SESTD1: variants seen among roughly 807,000 people sequenced by gnomAD.
SESTD1 encodes the protein SEC14 domain and spectrin repeat-containing protein 1.
SESTD1 carries 43 observed loss-of-function variants against 101.7 expected under a neutral mutation model. That is an observed-to-expected ratio of 0.42 (90% confidence interval 0.33 to 0.55). The LOEUF (loss-of-function observed/expected upper bound fraction) is 0.55. Among genes scored for constraint, SESTD1 ranks in the 20% least tolerant of loss-of-function variants. SESTD1 has a pLI of 0.07. For synonymous variants in SESTD1, 283 were observed against 286.8 expected, an observed-to-expected ratio of 0.99 and a Z score of 0.13; for missense variants, 647 against 815.1, an observed-to-expected ratio of 0.79 and a Z score of 2.51.
chr2:179,159,975 C>T (rs1416442079), intron 5 of SESTD1, among the ~76,000 whole-genome samples: 1 of 152,234 alleles, frequency 6.6e-6, no homozygotes, highest in African/African-American at 2.4e-5. Context: ...CTGCCTCAGC[C>T]TCCCGAGCAG....
In SESTD1 at chr2:179,186,501, T is replaced by C. The variant is rs74812973; in HGVS notation, c.56-3313A>G. 2.1e-3 allele frequency among the ~76,000 whole-genome samples: 324 copies of C among 152,250 alleles called. 6 individuals are homozygous for C. The highest frequency in any genetic ancestry group is 7.5e-3 in the African/African-American group (311 of 41,550). Reference sequence around the variant, plus strand: ...TCAGAGGAAGATGGAAGAAAAAAGCTAGAAGACAGTTATCATAAAAACTAA... The same window carrying C: ...TCAGAGGAAGATGGAAGAAAAAAGCCAGAAGACAGTTATCATAAAAACTAA... On this transcript the variant is annotated intron_variant, in intron 2 of 17. Coordinates refer to ENST00000428443, the MANE Select transcript of SESTD1 (RefSeq NM_178123.5).
At chr2:179,147,019 CAGGAAAGAAAAGATGA>C (rs1217093224) in intron 7 of SESTD1, among the ~76,000 whole-genome samples, 1 of 151,418 alleles carries the variant, frequency 6.6e-6, no homozygotes, top group Non-Finnish European at 1.5e-5. Flanking sequence ...TAAACACATA[CAGGAAAGAAAAGATGA>C]AGGAAAGAAA....
chr2:179,146,089 T>C (rs188869156), intron 8 of SESTD1, among the ~76,000 whole-genome samples: 2 of 146,282 alleles, frequency 1.4e-5, no homozygotes, highest in East Asian at 2.1e-4. Context: ...ACCTGTCAGA[T>C]CAGTGGCGGC....
At chr2:179,152,912 G>GA in intron 5 of SESTD1, among the ~76,000 whole-genome samples, 1 of 151,928 alleles carries the variant, frequency 6.6e-6, no homozygotes, top group Middle Eastern at 3.4e-3. Flanking sequence ...GAAAGGAGGT[G>GA]AAAAATCAGA....
chr2:179,159,436 A>G (rs1258752135), intron 5 of SESTD1, among the ~76,000 whole-genome samples: 1 of 152,172 alleles, frequency 6.6e-6, no homozygotes, highest in South Asian at 2.1e-4. Flanking sequence ...GTGAAGACCA[A>G]ATTCAAATGT....
In SESTD1 at chr2:179,131,680, G is replaced by A. The variant is rs537806059; in HGVS notation, c.972+624C>T. ...AACTGTAACAGAGCAGGAGATTAACGAACACCAGCTTCTTTCACATAACAA... is the reference window on the plus strand; with the variant it reads ...AACTGTAACAGAGCAGGAGATTAACAAACACCAGCTTCTTTCACATAACAA... On this transcript the variant is annotated intron_variant, in intron 10 of 17. Transcript: ENST00000428443. Among the ~76,000 whole-genome samples, 9 of 152,210 alleles carry A rather than the reference G, an allele frequency of 5.9e-5. No individual in the cohort carries two copies. In the East Asian group the frequency reaches 1.4e-3, roughly 23 times the overall value.
intron 17 of SESTD1, 31 bp from the exon 18 acceptor site, chr2:179,110,059 G>T: frequency 6.2e-7 from 1 of 1,607,536 alleles, no homozygotes; most frequent in Non-Finnish European, 8.5e-7. Flanking sequence ...AAAAACCTCA[G>T]ATTAATACAA....
At chr2:179,122,022 C>T in intron 12 of SESTD1, 93 bp from the exon 13 acceptor site, 1 of 1,298,414 alleles carries the variant, frequency 7.7e-7, no homozygotes, top group Non-Finnish European at 1.0e-6. Context: ...GTACCTGGAT[C>T]CCAAGTATAG....
Position 179,108,730 on chromosome 2 carries a change from GAAAT to G in SESTD1, c.*1165_*1168del, listed in dbSNP as rs1240174420. 6.6e-6 allele frequency: 1 copy of G among 151,676 alleles called. No homozygotes were observed. The highest frequency in any genetic ancestry group is 1.5e-5 in the Non-Finnish European group (1 of 67,920). The allele number at this position is 151,676 out of a possible 1,614,324, so 9.4% of individuals were successfully genotyped here. Reference sequence around the variant, plus strand: ...TTTTTAATATTTTAAAAAATGTTCTGAAATAAAAATACATAAAATTTAAATTATA... The same window carrying G: ...TTTTTAATATTTTAAAAAATGTTCTGAAAAATACATAAAATTTAAATTATA... On this transcript the variant is annotated 3_prime_UTR_variant, in exon 18 of 18. Coordinates refer to ENST00000428443, the MANE Select transcript of SESTD1 (RefSeq NM_178123.5).
rs1430728828 is a variant in SESTD1, at chr2:179,165,080, T to C, written c.369+7040A>G. The stretch of plus-strand genomic sequence containing the variant: ...AGAGCTCTAAGTCTCATTTAATGGA[T>C]AGTGTTGAACTGCCCCCTTAAAGCC... On this transcript the variant is annotated intron_variant, in intron 5 of 17. Coordinates refer to ENST00000428443, the MANE Select transcript of SESTD1 (RefSeq NM_178123.5). Among the ~76,000 whole-genome samples, 3 of 152,184 alleles carry C rather than the reference T, an allele frequency of 2.0e-5. No individual in the cohort carries two copies. In the East Asian group the frequency reaches 5.8e-4, roughly 29 times the overall value.
In SESTD1 at chr2:179,108,203, GAA is replaced by G. The variant is rs1011148605; in HGVS notation, c.*1694_*1695del. On this transcript the variant is annotated 3_prime_UTR_variant, in exon 18 of 18. Coordinates refer to ENST00000428443, the MANE Select transcript of SESTD1 (RefSeq NM_178123.5). ...AAAAACTCTAAGGATGAGATACCGAGAAAAGAGCCAAAAGCATTCTGAGGACA... is the reference window on the plus strand; with the variant it reads ...AAAAACTCTAAGGATGAGATACCGAGAAGAGCCAAAAGCATTCTGAGGACA... 1.3e-5 allele frequency: 2 copies of G among 152,150 alleles called. No homozygotes were observed. Among genetic ancestry groups the G allele is most frequent in the Non-Finnish European group, 2.9e-5 (2 of 68,022 alleles). The allele number at this position is 152,150 out of a possible 1,614,324, so 9.4% of individuals were successfully genotyped here.
intron 10 of SESTD1, among the ~76,000 whole-genome samples, chr2:179,131,434 T>G (rs1419969295): frequency 6.6e-6 from 1 of 152,214 alleles, no homozygotes; most frequent in African/African-American, 2.4e-5. Flanking sequence ...CAGAAATTAA[T>G]GTTCCGACGG....
At chr2:179,178,517 A>C (rs2046050776) in intron 3 of SESTD1, among the ~76,000 whole-genome samples, 2 of 152,138 alleles carry the variant, frequency 1.3e-5, no homozygotes. Flanking sequence ...ACACACAATG[A>C]CTATCTGTGG....
intron 1 of SESTD1, among the ~76,000 whole-genome samples, chr2:179,242,010 A>G (rs950811738): frequency 2.0e-5 from 3 of 152,238 alleles, no homozygotes; most frequent in South Asian, 2.1e-4. Context: ...GCATATATGT[A>G]AGAAAAGAAG....
intron 16 of SESTD1, among the ~76,000 whole-genome samples, chr2:179,113,201 C>A (rs10048744): frequency 1.4e-3 from 213 of 152,212 alleles, no homozygotes; most frequent in African/African-American, 4.6e-3. Context: ...TATTAAGTAA[C>A]CATTTATTGA....
rs542866548 is a variant in SESTD1 at position 179,109,546 on chromosome 2, CTTT to C, written c.*350_*352del. Reference sequence around the variant, plus strand: ...TAAATCACCTGTGGAGGAAGGGCAACTTTTTTTTTTCTTTTTAATAGAGAGAAT... The same window carrying C: ...TAAATCACCTGTGGAGGAAGGGCAACTTTTTTTCTTTTTAATAGAGAGAAT... On this transcript the variant is annotated 3_prime_UTR_variant, in exon 18 of 18. Coordinates refer to ENST00000428443, the MANE Select transcript of SESTD1 (RefSeq NM_178123.5). The C allele has an allele frequency of 5.8e-6, 2 of 346,494 alleles. No individual in the cohort carries two copies. The highest frequency in any genetic ancestry group is 4.3e-5 in the African/African-American group (2 of 46,524). The allele number at this position is 346,494 out of a possible 1,614,324, so 21.5% of individuals were successfully genotyped here. A position where few individuals can be genotyped will look rare whatever the true frequency, so the allele number is the denominator to read the frequency against.
Position 179,205,054 on chromosome 2 carries a change from A to C in SESTD1, c.-25-13188T>G, listed in dbSNP as rs2046572349. ...AACTTATTTCTCCATCCTTCTCATC[A>C]ATTCTGTAAATTATACAAAATAAAT... On this transcript the variant is annotated intron_variant, in intron 1 of 17. Transcript: ENST00000428443. 1.5e-5 allele frequency among the ~76,000 whole-genome samples: 2 copies of C among 134,582 alleles called. 1 individual carries two copies. Among genetic ancestry groups the C allele is most frequent in the Non-Finnish European group, 3.2e-5 (2 of 62,714 alleles). The allele number at this position is 134,582 out of a possible 152,430, so 88.3% of individuals were successfully genotyped here. A position where few individuals can be genotyped will look rare whatever the true frequency, so the allele number is the denominator to read the frequency against.
chr2:179,185,916 A>C (rs1263680024), intron 2 of SESTD1, among the ~76,000 whole-genome samples: 1 of 137,088 alleles, frequency 7.3e-6, no homozygotes, highest in African/African-American at 2.7e-5. Flanking sequence ...TATACAATAT[A>C]TAATATAGCA....
At chr2:179,114,630 ATTC>A (rs1273388004) in intron 16 of SESTD1, among the ~76,000 whole-genome samples, 1 of 147,640 alleles carries the variant, frequency 6.8e-6, no homozygotes, top group African/African-American at 2.7e-5. Flanking sequence ...TTTTGTCCTT[ATTC>A]TTATTTTTTT....
Sources: gnomAD v4.1 joint callset for allele counts (sites outside exome capture counted in the v4.1 genomes callset) on GRCh38, gnomAD v4.1.1 for gene constraint, MANE v1.5 for transcripts, NCBI Gene and HGNC (gene_info 2026-07-23, HGNC 2026-07-21) for gene names.